The following GFRA1 variants were observed in gnomAD, a reference collection of about 807,000 sequenced individuals.
GFRA1 encodes GDNF family receptor alpha-1.
A neutral mutation model predicts 51.6 loss-of-function variants in GFRA1; 16 were observed. The ratio of observed to expected loss-of-function variants is 0.31; its 90% CI spans 0.21 to 0.47. The LOEUF (loss-of-function observed/expected upper bound fraction) is 0.47. GFRA1 is among the 20% of genes least tolerant of loss of function. The pLI, the probability that GFRA1 is intolerant of heterozygous loss-of-function variation, is 1.00. For synonymous variants in GFRA1, 270 were observed against 241.3 expected (o/e 1.12, Z -1.10); for missense variants, 530 against 594.3 (o/e 0.89, Z 1.13).
intron 5 of GFRA1, among the ~76,000 whole-genome samples, chr10:116,141,160 A>G (rs1226536647): frequency 6.6e-6 from 1 of 152,200 alleles, no homozygotes; most frequent in African/African-American, 2.4e-5. Flanking sequence ...TACACCTCAC[A>G]CGATTCAGTA....
chr10:116,070,993 A>G (rs573282053), intron 9 of GFRA1, among the ~76,000 whole-genome samples: 1 of 152,330 alleles, frequency 6.6e-6, no homozygotes, highest in South Asian at 2.1e-4. Context: ...TGCGTAAAAC[A>G]AGTGGACACA....
At chr10:116,221,111 AC>A (rs1206184329) in intron 4 of GFRA1, among the ~76,000 whole-genome samples, 1 of 152,174 alleles carries the variant, frequency 6.6e-6, no homozygotes, top group Admixed American at 6.5e-5. Context: ...TACATCAGGC[AC>A]TATTTTAAAT....
intron 4 of GFRA1, among the ~76,000 whole-genome samples, chr10:116,259,661 A>C (rs1307231155): frequency 2.0e-5 from 3 of 152,212 alleles, no homozygotes; most frequent in Non-Finnish European, 4.4e-5. Context: ...GGAATTAAAG[A>C]GGGAGAAAAG....
intron 5 of GFRA1, among the ~76,000 whole-genome samples, chr10:116,189,619 A>AATTC (rs1325074447): frequency 6.6e-5 from 10 of 152,186 alleles, no homozygotes; most frequent in African/African-American, 1.7e-4. Flanking sequence ...CAGGTTCTGA[A>AATTC]ATTCATTCAT....
At chr10:116,148,775 C>T (rs1958941374) in intron 5 of GFRA1, among the ~76,000 whole-genome samples, 2 of 151,980 alleles carry the variant, frequency 1.3e-5, no homozygotes, top group Admixed American at 6.6e-5. Flanking sequence ...TCATTAAATA[C>T]AAGAAGAAGC....
chr10:116,271,135 G>A lies in GFRA1; in HGVS notation c.41-20C>T, dbSNP rs757780739. 2.5e-6 allele frequency: 4 copies of A among 1,585,980 alleles called. No individual in the cohort carries two copies. The highest frequency in any genetic ancestry group is 3.4e-5 in the Admixed American group (2 of 58,474). ...GCAAGTCTGCGGGGCAGAGGGGAGG[G>A]AGCCTGAGTGCGGCGGGCGGGGACC... On this transcript the variant is annotated intron_variant, in intron 2 of 10. Transcript: ENST00000355422.
chr10:116,130,033 T>G (rs1164107351), intron 5 of GFRA1, among the ~76,000 whole-genome samples: 1 of 151,062 alleles, frequency 6.6e-6, no homozygotes. Flanking sequence ...GCAAAAAAAT[T>G]AGAAAATGAA....
chr10:116,235,256 C>T (rs926256851), intron 4 of GFRA1, among the ~76,000 whole-genome samples: 1 of 152,194 alleles, frequency 6.6e-6, no homozygotes, highest in African/African-American at 2.4e-5. Flanking sequence ...GAAATGGCCA[C>T]TGTGGCTTGC....
At chr10:116,184,800 G>T (rs978868142) in intron 5 of GFRA1, among the ~76,000 whole-genome samples, 25 of 152,124 alleles carry the variant, frequency 1.6e-4, no homozygotes, top group African/African-American at 5.6e-4. Context: ...GGTGTTCCTG[G>T]CTGTTTAACC....
At chr10:116,132,289 GT>G (rs1275798979) in intron 5 of GFRA1, among the ~76,000 whole-genome samples, 1 of 152,162 alleles carries the variant, frequency 6.6e-6, no homozygotes, top group Non-Finnish European at 1.5e-5. Flanking sequence ...AGTCATATGT[GT>G]GCTGAAGCGT....
At chr10:116,097,743 G>A (rs1055383558) in intron 6 of GFRA1, among the ~76,000 whole-genome samples, 1 of 152,192 alleles carries the variant, frequency 6.6e-6, no homozygotes, top group Non-Finnish European at 1.5e-5. Context: ...GACAATGGGA[G>A]GCTGTCTCAG....
rs1176735456 is a variant in GFRA1, at chr10:116,271,904, T to C, written c.40+86A>G. On this transcript the variant is annotated intron_variant, in intron 2 of 10. Coordinates refer to ENST00000355422, the MANE Select transcript of GFRA1 (RefSeq NM_005264.8). ...CATCCACCACACCCGCGCCCCAATTTTGGTGCGGAGGGCGGGGTGGGCTGC... is the reference window on the plus strand; with the variant it reads ...CATCCACCACACCCGCGCCCCAATTCTGGTGCGGAGGGCGGGGTGGGCTGC... The C allele has an allele frequency of 3.8e-6, 4 of 1,053,052 alleles. No homozygotes were observed. The Admixed American group carries it at 6.0e-5, about 16-fold the overall frequency. 65.2% of individuals were successfully genotyped at this position (1,053,052 alleles called of 1,614,324 possible).
At chr10:116,154,153 C>T (rs369756855) in intron 5 of GFRA1, among the ~76,000 whole-genome samples, 3 of 152,122 alleles carry the variant, frequency 2.0e-5, no homozygotes, top group East Asian at 3.9e-4. Flanking sequence ...ATTGGTAGGA[C>T]CACTTCGGAA....
chr10:116,106,419 C>G (rs1957006788), intron 6 of GFRA1, among the ~76,000 whole-genome samples: 2 of 152,232 alleles, frequency 1.3e-5, no homozygotes, highest in African/African-American at 4.8e-5. Context: ...GGGCAAGTAT[C>G]TTAGCTTCTC....
intron 4 of GFRA1, among the ~76,000 whole-genome samples, chr10:116,256,375 C>A (rs1255581910): frequency 6.6e-6 from 1 of 152,180 alleles, no homozygotes; most frequent in African/African-American, 2.4e-5. Flanking sequence ...AGAGGGTCCA[C>A]CCGGTAGGTC....
chr10:116,254,013 T>C (rs1406618878), intron 4 of GFRA1, among the ~76,000 whole-genome samples: 1 of 152,060 alleles, frequency 6.6e-6, no homozygotes, highest in East Asian at 1.9e-4. Context: ...CAGGCTTTTA[T>C]GAAGATTAAA....
At chr10:116,249,147 G>C (rs1565679085) in intron 4 of GFRA1, among the ~76,000 whole-genome samples, 1 of 152,124 alleles carries the variant, frequency 6.6e-6, no homozygotes, top group Admixed American at 6.6e-5. Flanking sequence ...TTCTCTTTGG[G>C]ATCACTTTTT....
At chr10:116,187,631 T>C (rs953920) in intron 5 of GFRA1, among the ~76,000 whole-genome samples, 15,820 of 152,272 alleles carry the variant, frequency 0.1, 945 homozygotes, top group East Asian at 0.18. Flanking sequence ...TATGCAAGTT[T>C]TAGCTTTTAA....
At position 116,110,923 on chromosome 10, in the gene GFRA1, T is replaced by A. The variant is rs139043365; in HGVS notation, c.771-14159A>T. Among the ~76,000 whole-genome samples, 183 of 152,112 alleles carry A rather than the reference T, an allele frequency of 1.2e-3. 2 individuals carry two copies. In the East Asian group the frequency reaches 0.028, roughly 23 times the overall value. ...TACCATGTACTTGTACAGGCAAGGGTTCATAGCAACCTTGGTTCACAGAAT... is the reference window on the plus strand; with the variant it reads ...TACCATGTACTTGTACAGGCAAGGGATCATAGCAACCTTGGTTCACAGAAT... On this transcript the variant is annotated intron_variant, in intron 6 of 10. Transcript: ENST00000355422.
Sources: allele counts gnomAD v4.1 joint callset (sites outside exome capture counted in the v4.1 genomes callset), GRCh38; gene constraint gnomAD v4.1.1; transcripts MANE v1.5; gene names NCBI Gene and HGNC (gene_info 2026-07-23, HGNC 2026-07-21).